The following HIP1R variants were observed in gnomAD, a reference collection of about 807,000 sequenced individuals.
HIP1R encodes huntingtin interacting protein 1 related.
Under a neutral mutation model 144.2 loss-of-function variants are expected in HIP1R, and 135 were observed. The observed-to-expected ratio is 0.94, with a 90% CI of 0.81 to 1.08. The LOEUF (loss-of-function observed/expected upper bound fraction) is 1.08, where lower values mean the gene tolerates loss of function less well. HIP1R is among the 50% of genes least tolerant of loss of function. The pLI is 0.00. For synonymous variants in HIP1R, 698 were observed against 612.8 expected (o/e 1.14, Z -2.05); for missense variants, 1,462 against 1,432.8 (o/e 1.02, Z -0.33).
At chr12:122,854,340 GAAAA>G (rs5801492) in intron 8 of HIP1R, among the ~76,000 whole-genome samples, 157 bp downstream of exon 8, 7 of 128,580 alleles carry the variant, frequency 5.4e-5, no homozygotes, top group African/African-American at 2.0e-4. Context: ...TATATTTTAT[GAAAA>G]AAAAAAAAAA....
chr12:122,841,755 G>C (rs1047495766), intron 1 of HIP1R, among the ~76,000 whole-genome samples: 1 of 152,146 alleles, frequency 6.6e-6, no homozygotes, highest in African/African-American at 2.4e-5. Flanking sequence ...GTCACTTCCA[G>C]AGCCAGCCTG....
In HIP1R at chr12:122,860,715, G is replaced by C. The variant is rs540293097; in HGVS notation, c.2697G>C (p.Lys899Asn). The C allele has an allele frequency of 1.2e-6, 2 of 1,613,292 alleles. No homozygotes were observed. Among genetic ancestry groups the C allele is most frequent in the African/African-American group, 2.7e-5 (2 of 74,920 alleles). ...AADKVVLHTG[K>N]YEELIVCSHE... ...ACAAGGTGGTGCTTCACACGGGCAAGTATGAGGAGCTCATCGTCTGCTCCC... is the reference window on the plus strand; with the variant it reads ...ACAAGGTGGTGCTTCACACGGGCAACTATGAGGAGCTCATCGTCTGCTCCC... Residue 899 changes from lysine to asparagine, a missense_variant, in exon 28 of 32, where the codon AAG becomes AAC. Physicochemically the swap from Lys to Asn is moderately conservative, Grantham distance 94. Around this residue, in one of 2 missense-constraint regions of HIP1R, gnomAD observed 1,112 missense variants for 1,011.7 expected, o/e 1.10. Coordinates refer to ENST00000253083, the MANE Select transcript of HIP1R (RefSeq NM_003959.3).
chr12:122,847,907 C>T (rs985212300), intron 1 of HIP1R, 124 bp from the exon 2 acceptor site: 63 of 764,850 alleles, frequency 8.2e-5, no homozygotes, highest in Non-Finnish European at 1.1e-4. Context: ...CCTGTCTCCC[C>T]CATCGCTCCA....
chr12:122,836,476 C>G lies in HIP1R; in HGVS notation c.93+833C>G, dbSNP rs1218130275. On this transcript the variant is annotated intron_variant, in intron 1 of 31. Coordinates refer to ENST00000253083, the MANE Select transcript of HIP1R (RefSeq NM_003959.3). This position sits in a 1 kb window ranked among gnomAD's most constrained non-coding sequence, Gnocchi z 4.1. ...TGTACTTGTGTTTGTGCCGGGGACC[C>G]ACGATGCAGACGTTGCTGCGTTTCT... Among the ~76,000 whole-genome samples the G allele has an allele frequency of 6.6e-6, 1 of 152,162 alleles. No homozygotes were observed.
intron 31 of HIP1R, 95 bp from the exon 32 acceptor site, chr12:122,861,611 C>T (rs982646896): frequency 6.4e-7 from 1 of 1,574,198 alleles, no homozygotes; most frequent in South Asian, 1.1e-5. Context: ...AGTCAGGGAC[C>T]ACTGACAACA....
At chr12:122,834,865 A>T (rs898409909), upstream of HIP1R, 14 of 875,230 alleles carry the variant, frequency 1.6e-5, no homozygotes, top group Admixed American at 3.1e-4. Context: ...CAAAGAGGGG[A>T]GAGTGTCATT....
Position 122,840,911 on chromosome 12 carries a change from G to A in HIP1R, c.93+5268G>A, listed in dbSNP as rs890578754. On this transcript the variant is annotated intron_variant, in intron 1 of 31. Coordinates refer to ENST00000253083, the MANE Select transcript of HIP1R (RefSeq NM_003959.3). This position sits in a 1 kb window ranked among gnomAD's most constrained non-coding sequence, Gnocchi z 4.2. ...GCTCACCCTCTGAATAGGGACAGGCGCAGACGAGGCCCCTTCTCTGACCTG... is the reference window on the plus strand; with the variant it reads ...GCTCACCCTCTGAATAGGGACAGGCACAGACGAGGCCCCTTCTCTGACCTG... Among the ~76,000 whole-genome samples the A allele has an allele frequency of 6.6e-6, 1 of 152,180 alleles. No individual in the cohort carries two copies. The highest frequency in any genetic ancestry group is 6.5e-5 in the Admixed American group (1 of 15,270).
At chr12:122,841,826 C>T (rs1344563434) in intron 1 of HIP1R, among the ~76,000 whole-genome samples, 2 of 152,116 alleles carry the variant, frequency 1.3e-5, no homozygotes, top group Non-Finnish European at 2.9e-5. Flanking sequence ...AAGCCTGGGG[C>T]GGAGGTGGCA....
At chr12:122,845,440 G>A (rs796410004) in intron 1 of HIP1R, among the ~76,000 whole-genome samples, 15 of 152,324 alleles carry the variant, frequency 9.8e-5, no homozygotes, top group African/African-American at 3.1e-4. Flanking sequence ...CTGCTGCCAC[G>A]GATCCTGTCC....
At chr12:122,849,582 C>T (rs956688436) in intron 4 of HIP1R, among the ~76,000 whole-genome samples, 2 of 152,252 alleles carry the variant, frequency 1.3e-5, no homozygotes, top group East Asian at 1.9e-4. Context: ...AGGCGCCCGT[C>T]GGGACGTGCC....
intron 21 of HIP1R, 30 bp from the exon 22 acceptor site, chr12:122,859,031 G>GA: frequency 2.5e-6 from 4 of 1,606,770 alleles, no homozygotes; most frequent in Non-Finnish European, 3.4e-6. Context: ...CGGTGGGGGG[G>GA]GCTCCACTCA....
intron 7 of HIP1R, 200 bp from the exon 8 acceptor site, chr12:122,853,843 T>C: frequency 1.8e-6 from 1 of 546,348 alleles, no homozygotes; most frequent in Non-Finnish European, 3.2e-6. Flanking sequence ...CCTGACCTTG[T>C]TGTTGCCGTT....
rs767522862 is a variant in HIP1R, at chr12:122,848,591, C to T, written c.283C>T (p.Arg95Ter). The T allele has an allele frequency of 6.2e-6, 10 of 1,612,244 alleles. No homozygotes were observed. The highest frequency in any genetic ancestry group is 5.3e-5 in the African/African-American group (4 of 74,948). ...CTGCCACGTCCTCCACAAGGTCCTT[C>T]GAGACGGGCACCCCAATGTGAGTAG... ...KFCHVLHKVLRDGHPNVLHDC... is the reference protein window; with the variant it reads ...KFCHVLHKVL The change falls in exon 3 of 32, where the codon CGA (arginine) becomes TGA (stop). Residue 95 changes from arginine (R) to a stop codon, truncating the protein, a stop_gained. Transcript: ENST00000253083. LOFTEE classifies it high-confidence loss of function.
chr12:122,856,826 C>T (rs920618098), intron 17 of HIP1R, 100 bp downstream of exon 17: 18 of 1,156,460 alleles, frequency 1.6e-5, no homozygotes, highest in Admixed American at 1.0e-4. Flanking sequence ...GGGTGCCACT[C>T]GGTGATCCTG....
At chr12:122,850,957 C>G (rs1221064776) in intron 6 of HIP1R, 46 bp downstream of exon 6, 7 of 1,540,632 alleles carry the variant, frequency 4.5e-6, no homozygotes, top group East Asian at 2.3e-5. Flanking sequence ...CTCGGCTTCC[C>G]CATTCCTTCC....
intron 27 of HIP1R, 69 bp downstream of exon 27, chr12:122,860,592 A>G (rs2033739578): frequency 1.3e-6 from 2 of 1,549,134 alleles, no homozygotes; most frequent in Admixed American, 3.3e-5. Flanking sequence ...GGGGTTCAAC[A>G]GGGTGCAGGG....
At chr12:122,855,430 C>T (rs373603682) in intron 11 of HIP1R, 25 bp downstream of exon 11, 195 of 1,551,284 alleles carry the variant, frequency 1.3e-4, no homozygotes, top group Non-Finnish European at 1.6e-4. Context: ...CAGCCCGTGT[C>T]CCCCAGTCCT....
At chr12:122,860,823 G>C in intron 28 of HIP1R, 39 bp downstream of exon 28, 1 of 1,601,972 alleles carries the variant, frequency 6.2e-7, no homozygotes, top group East Asian at 2.3e-5. Flanking sequence ...TGGGCTCTGG[G>C]CCCAGCTTGG....
chr12:122,860,360 G>GCCCCTTT (rs1413190696), intron 26 of HIP1R, 63 bp from the exon 27 acceptor site: 17 of 1,585,454 alleles, frequency 1.1e-5, no homozygotes, highest in Non-Finnish European at 1.5e-5. Flanking sequence ...GCCCTTGAGG[G>GCCCCTTT]CCACTTTCCA....
Sources: gnomAD v4.1 joint callset for allele counts (sites outside exome capture counted in the v4.1 genomes callset) on GRCh38, gnomAD v4.1.1 for gene constraint, gnomAD v4.1.1 regional missense constraint, Gnocchi (gnomAD v3.1) non-coding constraint, MANE v1.5 for transcripts, NCBI Gene and HGNC (gene_info 2026-07-23, HGNC 2026-07-21) for gene names.